SRP68: variants seen among roughly 807,000 people sequenced by gnomAD.
SRP68 encodes signal recognition particle subunit SRP68.
A neutral mutation model predicts 82.2 loss-of-function variants in SRP68; 15 were observed. The ratio of observed to expected loss-of-function variants is 0.18; its 90% CI spans 0.12 to 0.28. SRP68 has a LOEUF of 0.28. Among genes scored for constraint, SRP68 ranks in the 10% least tolerant of loss-of-function variants. SRP68 has a pLI of 1.00. For missense variants in SRP68, 595 were observed against 780.5 expected (o/e 0.76, Z 2.83); for synonymous variants, 261 against 292.6 (o/e 0.89, Z 1.10).
At chr17:76,070,916 T>G (rs570840984) in intron 1 of SRP68, among the ~76,000 whole-genome samples, 3 of 151,892 alleles carry the variant, frequency 2.0e-5, no homozygotes, top group Admixed American at 2.0e-4. Flanking sequence ...GTGAGATCTT[T>G]TGTAACCATT....
intron 2 of SRP68, 145 bp downstream of exon 2, chr17:76,070,233 A>AAAC: frequency 1.4e-6 from 1 of 705,028 alleles, no homozygotes; most frequent in South Asian, 1.9e-5. Flanking sequence ...AAAAAAAAAA[A>AAAC]AAAAAACAAA....
At chr17:76,059,743 GATC>G (rs2066737334) in intron 7 of SRP68, among the ~76,000 whole-genome samples, 1 of 139,846 alleles carries the variant, frequency 7.2e-6, no homozygotes, top group African/African-American at 2.8e-5. Context: ...AGTGAGCTGA[GATC>G]ACGCCACTGC....
At chr17:76,042,660 CT>C (rs2066600769) in intron 13 of SRP68, among the ~76,000 whole-genome samples, 1 of 152,110 alleles carries the variant, frequency 6.6e-6, no homozygotes, top group Non-Finnish European at 1.5e-5. Context: ...TCTTGGCTCA[CT>C]GCAACCTCTG....
intron 8 of SRP68, among the ~76,000 whole-genome samples, chr17:76,055,035 C>A (rs991916041): frequency 6.6e-6 from 1 of 151,702 alleles, no homozygotes; most frequent in Admixed American, 6.6e-5. Flanking sequence ...CGGCTCACTG[C>A]AACCTCCGCC....
intron 13 of SRP68, 34 bp from the exon 14 acceptor site, chr17:76,041,012 A>G: frequency 6.3e-7 from 1 of 1,596,908 alleles, no homozygotes; most frequent in Non-Finnish European, 8.6e-7. Context: ...CTCCCGAGCC[A>G]GGGCCAGGTC....
At position 76,039,191 on chromosome 17, in the gene SRP68, G is replaced by A; in HGVS notation, c.*515C>T. The A allele has an allele frequency of 2.8e-6, 1 of 352,570 alleles. No homozygotes were observed. Among genetic ancestry groups the A allele is most frequent in the South Asian group, 2.1e-5 (1 of 46,638 alleles). 21.8% of individuals were successfully genotyped at this position (352,570 alleles called of 1,614,324 possible). On this transcript the variant is annotated 3_prime_UTR_variant, in exon 16 of 16. Coordinates refer to ENST00000307877, the MANE Select transcript of SRP68 (RefSeq NM_014230.4). ...CTTCTAAAAATAGAGCTCTCTGCTT[G>A]TCTGAAACTTCTTAGCGTTCACTGG...
At chr17:76,059,398 C>A (rs933826153) in intron 7 of SRP68, among the ~76,000 whole-genome samples, 1 of 151,910 alleles carries the variant, frequency 6.6e-6, no homozygotes, top group African/African-American at 2.4e-5. Flanking sequence ...AAAAATTAGC[C>A]GGGCGTGGTG....
chr17:76,053,297 A>C (rs1365051194), intron 8 of SRP68, among the ~76,000 whole-genome samples: 1 of 151,326 alleles, frequency 6.6e-6, no homozygotes, highest in Non-Finnish European at 1.5e-5. Context: ...AAACACACAT[A>C]TACCACAGCC....
At position 76,071,982 on chromosome 17, in the gene SRP68, C is replaced by CA; in HGVS notation, c.184+325dup. 2.2e-6 allele frequency: 1 copy of CA among 452,498 alleles called. No individual in the cohort carries two copies. Among genetic ancestry groups the CA allele is most frequent in the Non-Finnish European group, 3.9e-6 (1 of 254,520 alleles). 28.0% of individuals were successfully genotyped at this position (452,498 alleles called of 1,614,324 possible). ...GTTTCCTCTCCCCAGTTCAGTGGCT[C>CA]AAGGTGCCAAAGCAAGGTGCTCAAG... On this transcript the variant is annotated intron_variant, in intron 1 of 15. Transcript: ENST00000307877. The surrounding 1 kb of genome is among the most constrained non-coding windows in gnomAD (Gnocchi z 4.7).
chr17:76,061,224 G>T lies in SRP68; in HGVS notation c.645-5C>A. The T allele has an allele frequency of 6.3e-7, 1 of 1,598,478 alleles. No homozygotes were observed. The highest frequency in any genetic ancestry group is 8.6e-7 in the Non-Finnish European group (1 of 1,168,254). On this transcript the variant is annotated splice_polypyrimidine_tract_variant and splice_region_variant and intron_variant, in intron 5 of 15. Coordinates refer to ENST00000307877, the MANE Select transcript of SRP68 (RefSeq NM_014230.4). ...GCTAGCTTCTCATAGATAGTTCTGC[G>T]AGAAAAGAAAAGCCAGGTTTTACAT...
chr17:76,059,109 A>T (rs1187267025), intron 7 of SRP68, among the ~76,000 whole-genome samples: 5 of 152,074 alleles, frequency 3.3e-5, no homozygotes, highest in Non-Finnish European at 5.9e-5. Context: ...GTTAGCTAGG[A>T]GTGGTAACCT....
intron 3 of SRP68, 61 bp from the exon 4 acceptor site, chr17:76,064,232 G>A: frequency 6.7e-7 from 1 of 1,483,714 alleles, no homozygotes; most frequent in Non-Finnish European, 9.3e-7. Context: ...GATATTCTCT[G>A]AGGTGTAATC....
At position 76,070,443 on chromosome 17, in the gene SRP68, A is replaced by G. The variant is rs774928357; in HGVS notation, c.186T>C (p.Ile62=). 1 of 1,613,908 alleles carries G rather than the reference A, an allele frequency of 6.2e-7. No individual in the cohort carries two copies. Among genetic ancestry groups the G allele is most frequent in the East Asian group, 2.2e-5 (1 of 44,878 alleles). Residue 62 remains isoleucine, a splice_region_variant and synonymous_variant, in exon 2 of 16, where the codon ATT becomes ATC. Transcript: ENST00000307877. The stretch of plus-strand genomic sequence containing the variant: ...GCTGGGATTCCTTAATAATCTGAAG[A>G]ACTAGAGTCGAGATTAAGGAAAATC... ...KEFGDSLSLE[I]LQIIKESQQQ...
intron 8 of SRP68, chr17:76,053,458 A>G (rs2066690380): frequency 1.3e-5 from 13 of 985,402 alleles, no homozygotes; most frequent in Non-Finnish European, 1.6e-5. Flanking sequence ...CCAGCTACAC[A>G]GGATTTGCCT....
At chr17:76,067,081 C>A in intron 3 of SRP68, 136 bp downstream of exon 3, 2 of 682,878 alleles carry the variant, frequency 2.9e-6, no homozygotes, top group Non-Finnish European at 2.5e-6. Context: ...AGTTTCCTTG[C>A]CTTAGAACAC....
At chr17:76,067,924 G>A (rs927120823) in intron 2 of SRP68, among the ~76,000 whole-genome samples, 35 of 152,182 alleles carry the variant, frequency 2.3e-4, no homozygotes, top group Non-Finnish European at 4.7e-4. Flanking sequence ...CAAGGCAAAT[G>A]TCAAGTTGAA....
chr17:76,056,718 G>A (rs1030971791), intron 8 of SRP68, among the ~76,000 whole-genome samples: 1 of 152,198 alleles, frequency 6.6e-6, no homozygotes. Flanking sequence ...ATAACTGTGA[G>A]GTCTTCGGAA....
At position 76,057,514 on chromosome 17, in the gene SRP68, C is replaced by A; in HGVS notation, c.867G>T (p.Gln289His). The change falls in exon 8 of 16, where the codon CAG (glutamine) becomes CAT (histidine). Residue 289 changes from glutamine (Q) to histidine (H), a missense_variant. Physicochemically the swap from Gln to His is conservative, Grantham distance 24. Coordinates refer to ENST00000307877, the MANE Select transcript of SRP68 (RefSeq NM_014230.4). ...EALITQTRAK[Q>H]AATMSEVEWR... The stretch of plus-strand genomic sequence containing the variant: ...ACTCCACTTCACTCATGGTAGCTGC[C>A]TGTTTGGCTCGAGTCTGAGTGATCA... The A allele has an allele frequency of 6.2e-7, 1 of 1,614,184 alleles. No homozygotes were observed. The highest frequency in any genetic ancestry group is 1.7e-5 in the Admixed American group (1 of 60,004).
In SRP68 at chr17:76,062,780, A is replaced by T. The variant is rs866998330; in HGVS notation, c.561+1196T>A. On this transcript the variant is annotated intron_variant, in intron 4 of 15. Coordinates refer to ENST00000307877, the MANE Select transcript of SRP68 (RefSeq NM_014230.4). ...ATATATATATAAAATATATATATATATTTTTTTTGAGATGGAGTCTTGCTC... is the reference window on the plus strand; with the variant it reads ...ATATATATATAAAATATATATATATTTTTTTTTTGAGATGGAGTCTTGCTC... 6.4e-3 allele frequency among the ~76,000 whole-genome samples: 622 copies of T among 96,506 alleles called. 22 individuals carry two copies. Among genetic ancestry groups the T allele is most frequent in the East Asian group, 0.013 (49 of 3,796 alleles). The allele number at this position is 96,506 out of a possible 152,430, so 63.3% of individuals were successfully genotyped here. A position where few individuals can be genotyped will look rare whatever the true frequency, so the allele number is the denominator to read the frequency against.
Sources: gnomAD v4.1 joint callset for allele counts (sites outside exome capture counted in the v4.1 genomes callset) on GRCh38, gnomAD v4.1.1 for gene constraint, Gnocchi (gnomAD v3.1) non-coding constraint, MANE v1.5 for transcripts, NCBI Gene and HGNC (gene_info 2026-07-23, HGNC 2026-07-21) for gene names.